ORMDL1: variants seen among roughly 807,000 people sequenced by gnomAD.
The protein encoded by ORMDL1 is ORMDL sphingolipid biosynthesis regulator 1, also known as ORM1-like protein 1.
ORMDL1 carries 10 observed loss-of-function variants against 13.0 expected under a neutral mutation model. The observed-to-expected ratio is 0.77, with a 90% CI of 0.47 to 1.30. The LOEUF (loss-of-function observed/expected upper bound fraction) is 1.30, where lower values mean the gene tolerates loss of function less well. ORMDL1 is among the 50% of genes most tolerant of loss of function. ORMDL1 has a pLI of 0.00. For synonymous variants in ORMDL1, 61 were observed against 63.9 expected, an observed-to-expected ratio of 0.95 and a Z score of 0.22; for missense variants, 171 against 186.7, an observed-to-expected ratio of 0.92 and a Z score of 0.49.
chr2:189,782,089 T>A (rs1422439060), intron 3 of ORMDL1, among the ~76,000 whole-genome samples: 2 of 152,054 alleles, frequency 1.3e-5, no homozygotes, highest in Non-Finnish European at 2.9e-5. Flanking sequence ...ACTACAGGCA[T>A]GCGCCACCAT....
In ORMDL1 at chr2:189,771,678, A is replaced by G. The variant is rs1006913290; in HGVS notation, c.*89T>C. ...CCAATGTAAATACTTCTCATTTCAC[A>G]TTATCACAGAAACAGTGCAGTTTAC... On this transcript the variant is annotated 3_prime_UTR_variant, in exon 5 of 5. Transcript: ENST00000392349. 3.4e-6 allele frequency: 4 copies of G among 1,179,836 alleles called. No homozygotes were observed. Among genetic ancestry groups the G allele is most frequent in the Non-Finnish European group, 3.5e-6 (3 of 858,008 alleles). 73.1% of individuals were successfully genotyped at this position (1,179,836 alleles called of 1,614,324 possible).
At chr2:189,778,687 G>A (rs1314748140) in intron 3 of ORMDL1, among the ~76,000 whole-genome samples, 1 of 152,118 alleles carries the variant, frequency 6.6e-6, no homozygotes, top group East Asian at 1.9e-4. Flanking sequence ...CTGAGGTCAG[G>A]AGTTCAAGTC....
intron 4 of ORMDL1, 159 bp downstream of exon 4, chr2:189,775,406 A>G (rs1335100551): frequency 4.1e-6 from 3 of 726,410 alleles, no homozygotes; most frequent in East Asian, 2.8e-5. Flanking sequence ...TTTATTATCA[A>G]CTTGTTAAAA....
chr2:189,775,967 G>A (rs749424904), intron 3 of ORMDL1, among the ~76,000 whole-genome samples: 4 of 152,064 alleles, frequency 2.6e-5, no homozygotes, highest in African/African-American at 4.8e-5. Context: ...ATTTCTATTC[G>A]TTAAACTAAA....
chr2:189,784,109 G>A (rs908345574), intron 1 of ORMDL1, 160 bp downstream of exon 1: 10 of 152,306 alleles, frequency 6.6e-5, no homozygotes, highest in African/African-American at 2.2e-4. Context: ...GATTTGCGTA[G>A]GGGGCGAGCC....
At chr2:189,776,825 A>T (rs2047707945) in intron 3 of ORMDL1, among the ~76,000 whole-genome samples, 1 of 152,160 alleles carries the variant, frequency 6.6e-6, no homozygotes, top group Admixed American at 6.5e-5. Flanking sequence ...AAGACATAGG[A>T]CATATATGCA....
At chr2:189,773,226 A>G (rs562137457) in intron 4 of ORMDL1, among the ~76,000 whole-genome samples, 1 of 152,182 alleles carries the variant, frequency 6.6e-6, no homozygotes, top group East Asian at 1.9e-4. Flanking sequence ...TTATATGAAA[A>G]TTACTTGACT....
downstream of ORMDL1, chr2:189,765,428 ACTTG>A (rs1172776979): frequency 6.6e-6 from 1 of 152,220 alleles, no homozygotes; most frequent in African/African-American, 2.4e-5. Context: ...TAGTGTGATT[ACTTG>A]AGTTTCAATA....
chr2:189,777,681 C>G (rs2047729405), intron 3 of ORMDL1, among the ~76,000 whole-genome samples: 1 of 152,150 alleles, frequency 6.6e-6, no homozygotes, highest in Admixed American at 6.5e-5. Flanking sequence ...CATGCTTAGT[C>G]CTTACTAAAT....
At chr2:189,777,507 G>C (rs1553547927) in intron 3 of ORMDL1, among the ~76,000 whole-genome samples, 2 of 152,158 alleles carry the variant, frequency 1.3e-5, no homozygotes, top group Non-Finnish European at 2.9e-5. Flanking sequence ...CTAGTGTTTA[G>C]AATATCAAAA....
chr2:189,768,001 C>T (rs115636624), downstream of ORMDL1, among the ~76,000 whole-genome samples: 5,370 of 152,284 alleles, frequency 0.035, 109 homozygotes, highest in South Asian at 0.07. Context: ...GCTTATAATT[C>T]TCATGCATTC....
intron 4 of ORMDL1, 166 bp downstream of exon 4, chr2:189,775,396 TTTA>T (rs1362527961): frequency 4.5e-6 from 3 of 661,424 alleles, no homozygotes; most frequent in Non-Finnish European, 7.4e-6. Context: ...TGAAAATTAG[TTTA>T]TTATCAACTT....
chr2:189,780,553 T>A (rs1013916151), intron 3 of ORMDL1, among the ~76,000 whole-genome samples: 1 of 152,012 alleles, frequency 6.6e-6, no homozygotes, highest in Non-Finnish European at 1.5e-5. Context: ...AAACTGAAAA[T>A]ATGGGTAGAT....
chr2:189,777,143 A>G (rs1312418736), intron 3 of ORMDL1, among the ~76,000 whole-genome samples: 1 of 152,180 alleles, frequency 6.6e-6, no homozygotes, highest in Non-Finnish European at 1.5e-5. Flanking sequence ...TGAAAATACG[A>G]TTACAGTACA....
intron 4 of ORMDL1, chr2:189,775,134 T>G: frequency 6.5e-6 from 1 of 153,588 alleles, no homozygotes; most frequent in Non-Finnish European, 1.4e-5. Context: ...ACCTACTTTT[T>G]TCGAAACCAT....
the ORMDL1 span, chr2:189,763,962 T>A: frequency 2.0e-5 from 3 of 152,246 alleles, no homozygotes; most frequent in Non-Finnish European, 4.4e-5. Context: ...TGCTGTAGAT[T>A]AATTTCTTTC....
intron 3 of ORMDL1, among the ~76,000 whole-genome samples, chr2:189,780,506 A>AT (rs74549173): frequency 0.98 from 149,454 of 152,282 alleles, 73,400 homozygotes; most frequent in South Asian, 1. Flanking sequence ...TAATCTGGTG[A>AT]TAAAAATAAA....
intron 4 of ORMDL1, among the ~76,000 whole-genome samples, chr2:189,774,197 G>A (rs2106144274): frequency 6.6e-6 from 1 of 152,198 alleles, no homozygotes; most frequent in South Asian, 2.1e-4. Context: ...TTGCTCTGTT[G>A]CCCAGACTGG....
At chr2:189,778,006 T>C (rs1209736617) in intron 3 of ORMDL1, among the ~76,000 whole-genome samples, 1 of 152,210 alleles carries the variant, frequency 6.6e-6, no homozygotes, top group East Asian at 1.9e-4. Context: ...TGTGGTGAAC[T>C]AATAACAAAT....
Sources: allele counts gnomAD v4.1 joint callset (sites outside exome capture counted in the v4.1 genomes callset), GRCh38; gene constraint gnomAD v4.1.1; transcripts MANE v1.5; gene names NCBI Gene and HGNC (gene_info 2026-07-23, HGNC 2026-07-21).